Variants in BMPR1B observed in about 807,000 individuals in gnomAD.
BMPR1B encodes the protein bone morphogenetic protein receptor type-1B.
Under a neutral mutation model 59.1 loss-of-function variants are expected in BMPR1B, and 12 were observed. The ratio of observed to expected loss-of-function variants is 0.20; its 90% CI spans 0.13 to 0.33. The LOEUF is 0.33. BMPR1B is among the 10% of genes least tolerant of loss of function. BMPR1B has a pLI of 1.00. For missense variants in BMPR1B, 550 were observed against 610.9 expected (o/e 0.90, Z 1.05); for synonymous variants, 237 against 207.3 (o/e 1.14, Z -1.23).
intron 1 of BMPR1B, among the ~76,000 whole-genome samples, chr4:94,796,923 G>A (rs1262953802): frequency 1.3e-5 from 2 of 152,168 alleles, no homozygotes; most frequent in African/African-American, 2.4e-5. Flanking sequence ...AATGTAGTAT[G>A]GAAGGGTATA....
intron 2 of BMPR1B, among the ~76,000 whole-genome samples, chr4:94,901,971 T>C (rs1331443666): frequency 6.6e-6 from 1 of 151,518 alleles, no homozygotes; most frequent in Non-Finnish European, 1.5e-5. Context: ...CATATGAAGA[T>C]ATATCTGATC....
chr4:94,889,460 T>C (rs1307736085), intron 2 of BMPR1B, among the ~76,000 whole-genome samples: 1 of 152,130 alleles, frequency 6.6e-6, no homozygotes, highest in African/African-American at 2.4e-5. Flanking sequence ...TTGGGGTTTG[T>C]ACAACTCCAG....
chr4:95,121,835 A>G (rs956168282), intron 6 of BMPR1B, among the ~76,000 whole-genome samples: 2 of 152,212 alleles, frequency 1.3e-5, no homozygotes, highest in African/African-American at 2.4e-5. Context: ...AAGACTTAAA[A>G]TATATATCTT....
At chr4:95,059,765 T>C (rs1024639015) in intron 3 of BMPR1B, among the ~76,000 whole-genome samples, 1 of 152,208 alleles carries the variant, frequency 6.6e-6, no homozygotes, top group Admixed American at 6.5e-5. Context: ...AGAAGACATC[T>C]GGTATTGAGC....
At chr4:94,874,115 T>C (rs1181764879) in intron 1 of BMPR1B, among the ~76,000 whole-genome samples, 1 of 152,192 alleles carries the variant, frequency 6.6e-6, no homozygotes, top group Non-Finnish European at 1.5e-5. Flanking sequence ...TTCTTAAGGC[T>C]AAATATTTTA....
chr4:95,148,799 C>G lies in BMPR1B; in HGVS notation c.1128C>G (p.Arg376=). 6.2e-7 allele frequency: 1 copy of G among 1,614,052 alleles called. No individual in the cohort carries two copies. The highest frequency in any genetic ancestry group is 8.5e-7 in the Non-Finnish European group (1 of 1,179,956). Residue 376 remains arginine, a synonymous_variant, in exon 11 of 13, where the codon CGC becomes CGG. Transcript: ENST00000515059. ...IPPNTRVGTK[R]YMPPEVLDES... ...CTAACACTCGAGTTGGCACCAAACG[C>G]TATATGCCTCCAGAAGTGTTGGACG...
intron 2 of BMPR1B, among the ~76,000 whole-genome samples, chr4:94,879,880 A>G (rs1726890044): frequency 6.6e-6 from 1 of 152,204 alleles, no homozygotes. Flanking sequence ...AACAATGTAT[A>G]TTGAAAATAC....
chr4:94,919,716 G>A (rs1377738235), intron 2 of BMPR1B, among the ~76,000 whole-genome samples: 3 of 152,120 alleles, frequency 2.0e-5, no homozygotes, highest in Non-Finnish European at 4.4e-5. Context: ...CATAGGCTGA[G>A]CCTTTTCTAT....
chr4:95,132,900 A>T (rs941306885), intron 10 of BMPR1B, among the ~76,000 whole-genome samples: 1 of 151,760 alleles, frequency 6.6e-6, no homozygotes, highest in African/African-American at 2.4e-5. Flanking sequence ...ACAGTGTCCA[A>T]ACCTTTCTTT....
intron 6 of BMPR1B, among the ~76,000 whole-genome samples, chr4:95,123,231 A>G (rs1579116267): frequency 1.3e-5 from 2 of 152,192 alleles, no homozygotes; most frequent in African/African-American, 4.8e-5. Flanking sequence ...AATATGATTC[A>G]GTTTAAGAAA....
At chr4:94,994,145 A>G (rs1181198913) in intron 2 of BMPR1B, among the ~76,000 whole-genome samples, 1 of 152,238 alleles carries the variant, frequency 6.6e-6, no homozygotes, top group Non-Finnish European at 1.5e-5. Context: ...AGAGTCTGTG[A>G]ATAAAGGCAG....
chr4:94,864,862 A>C (rs768913728), intron 1 of BMPR1B, among the ~76,000 whole-genome samples: 37 of 152,256 alleles, frequency 2.4e-4, no homozygotes, highest in Non-Finnish European at 4.1e-4. Flanking sequence ...CCATAGTTAC[A>C]GAGGGCTAAC....
At chr4:94,812,377 ATG>A in intron 1 of BMPR1B, among the ~76,000 whole-genome samples, 2 of 152,324 alleles carry the variant, frequency 1.3e-5, no homozygotes, top group East Asian at 3.9e-4. Flanking sequence ...AAAGAACAGC[ATG>A]AGTAGAGCAG....
chr4:94,887,537 AAGC>A (rs1326474737), intron 2 of BMPR1B, among the ~76,000 whole-genome samples: 4 of 151,820 alleles, frequency 2.6e-5, no homozygotes, highest in African/African-American at 4.8e-5. Flanking sequence ...CAAATAGAAA[AAGC>A]AGGGAGAGAT....
At chr4:94,945,061 C>T (rs186649219) in intron 2 of BMPR1B, among the ~76,000 whole-genome samples, 51 of 152,276 alleles carry the variant, frequency 3.3e-4, no homozygotes, top group Admixed American at 1.2e-3. Flanking sequence ...ACATAGGCCC[C>T]ATGTATGGAA....
intron 10 of BMPR1B, among the ~76,000 whole-genome samples, chr4:95,135,856 C>T (rs560869842): frequency 7.9e-5 from 12 of 152,230 alleles, no homozygotes; most frequent in Admixed American, 4.6e-4. Flanking sequence ...CCCTTTATTT[C>T]TTTCTCCTGC....
intron 1 of BMPR1B, among the ~76,000 whole-genome samples, chr4:94,869,390 C>A (rs901585996): frequency 1.8e-4 from 28 of 151,436 alleles, no homozygotes; most frequent in Non-Finnish European, 2.8e-4. Flanking sequence ...TTCCAGATCA[C>A]ATGCTGAAAT....
chr4:94,878,184 G>A (rs899685218), intron 2 of BMPR1B, among the ~76,000 whole-genome samples: 5 of 152,180 alleles, frequency 3.3e-5, no homozygotes, highest in Admixed American at 2.0e-4. Context: ...CAGGAATGCT[G>A]TATGACTAAT....
intron 1 of BMPR1B, among the ~76,000 whole-genome samples, chr4:94,773,772 A>G (rs1206971564): frequency 6.6e-6 from 1 of 152,052 alleles, no homozygotes; most frequent in Non-Finnish European, 1.5e-5. Flanking sequence ...TTCCCTGTGT[A>G]TCTCATTGGT....
Sources: gnomAD v4.1 joint callset for allele counts (sites outside exome capture counted in the v4.1 genomes callset) on GRCh38, gnomAD v4.1.1 for gene constraint, MANE v1.5 for transcripts, NCBI Gene and HGNC (gene_info 2026-07-23, HGNC 2026-07-21) for gene names.